Variants in CDK5RAP2 observed in about 807,000 individuals in gnomAD.
CDK5RAP2 encodes the protein CDK5 regulatory subunit-associated protein 2.
Under a neutral mutation model 232.9 loss-of-function variants are expected in CDK5RAP2, and 147 were observed. The ratio of observed to expected loss-of-function variants is 0.63; its 90% CI spans 0.55 to 0.72. The LOEUF is 0.72. CDK5RAP2 is among the 30% of genes least tolerant of loss of function. The probability of loss-of-function intolerance (pLI) is 0.00; values close to 1 mark genes in which losing one functional copy is unlikely to be tolerated. For synonymous variants in CDK5RAP2, 833 were observed against 833.7 expected (o/e 1.00, Z 0.01); for missense variants, 2,195 against 2,231.5 (o/e 0.98, Z 0.33).
At chr9:120,467,655 G>GT (rs1400881065) in intron 18 of CDK5RAP2, among the ~76,000 whole-genome samples, 3 of 151,670 alleles carry the variant, frequency 2.0e-5, no homozygotes, top group Non-Finnish European at 2.9e-5. Flanking sequence ...GGTTTTGATG[G>GT]TTTTTTTTGA....
At chr9:120,554,294 T>A (rs1262314415) in intron 3 of CDK5RAP2, among the ~76,000 whole-genome samples, 1 of 152,236 alleles carries the variant, frequency 6.6e-6, no homozygotes, top group Non-Finnish European at 1.5e-5. Flanking sequence ...ATAAATGCAA[T>A]CTTTTTTTGA....
At chr9:120,552,095 C>T (rs1323913396) in intron 3 of CDK5RAP2, among the ~76,000 whole-genome samples, 2 of 151,678 alleles carry the variant, frequency 1.3e-5, no homozygotes, top group African/African-American at 2.4e-5. Context: ...TGAAAAAATG[C>T]TCATCATCAC....
chr9:120,390,003 G>T (rs1165139481), intron 36 of CDK5RAP2: 3 of 580,384 alleles, frequency 5.2e-6, no homozygotes, highest in Non-Finnish European at 6.3e-6. Context: ...ACCTCTTTGA[G>T]GCCCCGCTAA....
chr9:120,507,942 A>AATATATATATATATATATATATATAT (rs1157642617), intron 12 of CDK5RAP2, among the ~76,000 whole-genome samples: 1 of 32,550 alleles, frequency 3.1e-5, no homozygotes, highest in African/African-American at 1.1e-4. Context: ...AAAAAAAAAA[A>AATATATATATATATATATATATATAT]ATATATATAT....
chr9:120,539,299 A>C, intron 5 of CDK5RAP2, 135 bp from the exon 6 acceptor site: 1 of 1,055,728 alleles, frequency 9.5e-7, no homozygotes, highest in Non-Finnish European at 1.4e-6. Context: ...TCTTTAGCTT[A>C]ATATTTATCA....
intron 3 of CDK5RAP2, among the ~76,000 whole-genome samples, chr9:120,560,394 C>T (rs942665408): frequency 5.9e-5 from 9 of 152,160 alleles, no homozygotes; most frequent in African/African-American, 1.7e-4. Context: ...AAGAGATCTT[C>T]TCCAACCCAC....
intron 14 of CDK5RAP2, among the ~76,000 whole-genome samples, chr9:120,478,655 C>T (rs995926435): frequency 1.3e-5 from 2 of 152,100 alleles, no homozygotes; most frequent in Non-Finnish European, 2.9e-5. Context: ...GTGGCATGCA[C>T]CTATAGTCCC....
chr9:120,399,457 A>G (rs10125592), intron 35 of CDK5RAP2, among the ~76,000 whole-genome samples: 31,807 of 152,164 alleles, frequency 0.21, 3,711 homozygotes, highest in African/African-American at 0.3. Context: ...TTAAACAAAT[A>G]TACAATTATA....
intron 3 of CDK5RAP2, among the ~76,000 whole-genome samples, chr9:120,559,304 G>A (rs921194064): frequency 3.3e-5 from 5 of 151,782 alleles, no homozygotes; most frequent in Admixed American, 6.6e-5. Flanking sequence ...TGGCTAACAC[G>A]ATGAAACCCC....
Position 120,513,697 on chromosome 9 carries a change from T to C in CDK5RAP2, c.1311+4730A>G, listed in dbSNP as rs191729823. On this transcript the variant is annotated intron_variant, in intron 12 of 37. Coordinates refer to ENST00000349780, the MANE Select transcript of CDK5RAP2 (RefSeq NM_018249.6). ...TGGTTGTTTCTTCATGTCTCTATTA[T>C]GGAATTTTCTCCTTGTCTAGTAGAG... Among the ~76,000 whole-genome samples the C allele has an allele frequency of 9.8e-5, 15 of 152,366 alleles. No individual in the cohort carries two copies. In the East Asian group the frequency reaches 1.7e-3, roughly 18 times the overall value.
At chr9:120,542,983 G>C (rs1189390722) in intron 5 of CDK5RAP2, among the ~76,000 whole-genome samples, 1 of 152,210 alleles carries the variant, frequency 6.6e-6, no homozygotes, top group East Asian at 1.9e-4. Flanking sequence ...GTCTGCTGGA[G>C]CAGAGTTAGA....
At position 120,530,188 on chromosome 9, in the gene CDK5RAP2, C is replaced by T. The variant is rs978145825; in HGVS notation, c.663-48G>A. The T allele has an allele frequency of 2.1e-6, 3 of 1,457,678 alleles. No homozygotes were observed. The African/African-American group carries it at 4.2e-5, about 20-fold the overall frequency. 90.3% of individuals were successfully genotyped at this position (1,457,678 alleles called of 1,614,324 possible). ...TATTAATTCTAAGCTGTTCTCTTAG[C>T]TCAGTGGAGCTGGAGGAGGAAGGAA... On this transcript the variant is annotated intron_variant, in intron 7 of 37. Transcript: ENST00000349780.
chr9:120,540,301 T>C (rs187699427), intron 5 of CDK5RAP2, among the ~76,000 whole-genome samples: 1 of 152,314 alleles, frequency 6.6e-6, no homozygotes, highest in East Asian at 1.9e-4. Context: ...TGCTTCCACC[T>C]AAGGCTGGTT....
intron 15 of CDK5RAP2, among the ~76,000 whole-genome samples, chr9:120,476,125 CA>C (rs1234794975): frequency 6.6e-6 from 1 of 151,738 alleles, no homozygotes; most frequent in Non-Finnish European, 1.5e-5. Context: ...ATAAAGAGCT[CA>C]CTATGGTAAG....
rs778354401 is a variant in CDK5RAP2 at position 120,580,013 on chromosome 9, G to A, written c.-35C>T. The A allele has an allele frequency of 1.7e-5, 25 of 1,471,572 alleles. No homozygotes were observed. The South Asian group carries it at 2.9e-4, about 17-fold the overall frequency. 91.2% of individuals were successfully genotyped at this position (1,471,572 alleles called of 1,614,324 possible). A position where few individuals can be genotyped will look rare whatever the true frequency, so the allele number is the denominator to read the frequency against. On this transcript the variant is annotated 5_prime_UTR_variant, in exon 1 of 38. Coordinates refer to ENST00000349780, the MANE Select transcript of CDK5RAP2 (RefSeq NM_018249.6). Reference sequence around the variant, plus strand: ...GGTGGCGACAGCGTTGGTGTCTGTGGCGGCGGCGCCACTAGTACCCCCCGC... The same window carrying A: ...GGTGGCGACAGCGTTGGTGTCTGTGACGGCGGCGCCACTAGTACCCCCCGC...
intron 12 of CDK5RAP2, among the ~76,000 whole-genome samples, chr9:120,503,506 C>A (rs1331617813): frequency 6.6e-6 from 1 of 152,152 alleles, no homozygotes; most frequent in African/African-American, 2.4e-5. Flanking sequence ...ACAATCAGAA[C>A]TGAAAATTGA....
intron 11 of CDK5RAP2, among the ~76,000 whole-genome samples, chr9:120,522,657 T>C (rs2040724132): frequency 6.6e-6 from 1 of 152,168 alleles, no homozygotes; most frequent in Admixed American, 6.5e-5. Context: ...AGTATGGAGG[T>C]AGCAGCAGCC....
At chr9:120,457,381 G>A (rs2036841677) in intron 20 of CDK5RAP2, among the ~76,000 whole-genome samples, 1 of 152,152 alleles carries the variant, frequency 6.6e-6, no homozygotes, top group Admixed American at 6.5e-5. Context: ...GACAAAAAGT[G>A]TCTTTTAACT....
Position 120,558,305 on chromosome 9 carries a change from G to A in CDK5RAP2, c.196-7403C>T, listed in dbSNP as rs551585337. On this transcript the variant is annotated intron_variant, in intron 3 of 37. Transcript: ENST00000349780. ...GGAGAATGGCTTGAACCCAGGAGGC[G>A]GAGCTTGCAGTGAGCCGAGATCACA... is the stretch of plus-strand genomic sequence containing the variant. Among the ~76,000 whole-genome samples, 43 of 132,252 alleles carry A rather than the reference G, an allele frequency of 3.3e-4. No individual in the cohort carries two copies. In the East Asian group the frequency reaches 7.8e-3, roughly 24 times the overall value. 86.8% of individuals were successfully genotyped at this position (132,252 alleles called of 152,430 possible). A position where few individuals can be genotyped will look rare whatever the true frequency, so the allele number is the denominator to read the frequency against.
Sources: allele counts gnomAD v4.1 joint callset (sites outside exome capture counted in the v4.1 genomes callset), GRCh38; gene constraint gnomAD v4.1.1; transcripts MANE v1.5; gene names NCBI Gene and HGNC (gene_info 2026-07-23, HGNC 2026-07-21).